Variants in MCTP2 observed in about 807,000 individuals in gnomAD.
MCTP2 encodes multiple C2 and transmembrane domain-containing protein 2.
In MCTP2, 132 loss-of-function variants were observed where a neutral mutation model predicts 111.6. That is an observed-to-expected ratio of 1.18 (90% CI 1.03 to 1.37). MCTP2 has a LOEUF of 1.37. MCTP2 is among the 40% of genes most tolerant of loss of function. The probability of loss-of-function intolerance (pLI) is 0.00; values close to 1 mark genes in which losing one functional copy is unlikely to be tolerated. For missense variants in MCTP2, 1,183 were observed against 1,067.9 expected (o/e 1.11, Z -1.50); for synonymous variants, 395 against 387.7 (o/e 1.02, Z -0.22).
intron 1 of MCTP2, among the ~76,000 whole-genome samples, chr15:94,244,850 G>C (rs1427375432): frequency 2.2e-5 from 3 of 137,746 alleles, no homozygotes; most frequent in African/African-American, 8.2e-5. Context: ...ATACGTATAT[G>C]TATACACATA....
At chr15:94,240,103 T>G (rs1311775726) in intron 1 of MCTP2, among the ~76,000 whole-genome samples, 4 of 152,126 alleles carry the variant, frequency 2.6e-5, no homozygotes, top group African/African-American at 9.7e-5. Context: ...AAGTAGAAGT[T>G]TTTGCTTTTC....
intron 20 of MCTP2, among the ~76,000 whole-genome samples, chr15:94,465,061 G>T (rs899935613): frequency 1.2e-4 from 19 of 152,138 alleles, no homozygotes; most frequent in Admixed American, 9.8e-4. Context: ...CACTGTCGTT[G>T]TACATTTGTC....
rs1044164924 is a variant in MCTP2 at position 94,481,007 on chromosome 15, ATGTT to A, written c.*1978_*1981del. 4 of 152,166 alleles carry A rather than the reference ATGTT, an allele frequency of 2.6e-5. No individual in the cohort carries two copies. Among genetic ancestry groups the A allele is most frequent in the African/African-American group, 9.6e-5 (4 of 41,464 alleles). 9.4% of individuals were successfully genotyped at this position (152,166 alleles called of 1,614,324 possible). A position where few individuals can be genotyped will look rare whatever the true frequency, so the allele number is the denominator to read the frequency against. ...TGTTAGTTGATTAAGTAGACATTGG[ATGTT>A]TGTTAGAAAGGAATGTTAGTTGTAA... On this transcript the variant is annotated 3_prime_UTR_variant, in exon 23 of 23. Coordinates refer to ENST00000357742, the MANE Select transcript of MCTP2 (RefSeq NM_001385001.1).
chr15:94,359,441 A>G, intron 10 of MCTP2, among the ~76,000 whole-genome samples: 1 of 152,172 alleles, frequency 6.6e-6, no homozygotes, highest in South Asian at 2.1e-4. Flanking sequence ...ACAGATCTTA[A>G]ATTTAAACAC....
chr15:94,451,274 T>G (rs1037513340), intron 19 of MCTP2, among the ~76,000 whole-genome samples: 1 of 152,212 alleles, frequency 6.6e-6, no homozygotes, highest in Non-Finnish European at 1.5e-5. Context: ...ATGCTCTTCT[T>G]TTTTATTGTG....
chr15:94,344,430 A>C (rs955895625), intron 7 of MCTP2, among the ~76,000 whole-genome samples: 2 of 152,218 alleles, frequency 1.3e-5, no homozygotes, highest in African/African-American at 4.8e-5. Flanking sequence ...TAGCTTGTTA[A>C]CCAGCCACAG....
chr15:94,257,860 C>T (rs556691767), intron 1 of MCTP2, among the ~76,000 whole-genome samples: 30 of 151,080 alleles, frequency 2.0e-4, no homozygotes, highest in Admixed American at 1.5e-3. Flanking sequence ...GTCAGGATTA[C>T]AGGCGTGAGC....
intron 1 of MCTP2, among the ~76,000 whole-genome samples, chr15:94,284,810 A>T (rs549847111): frequency 1.3e-5 from 2 of 148,826 alleles, no homozygotes; most frequent in African/African-American, 2.4e-5. Context: ...GAAAATGATT[A>T]TGGGCTGAGG....
intron 4 of MCTP2, among the ~76,000 whole-genome samples, chr15:94,331,768 G>A (rs1596379307): frequency 1.3e-5 from 2 of 152,220 alleles, no homozygotes; most frequent in East Asian, 3.9e-4. Context: ...CTTGCCCGAG[G>A]AGCCAATGAA....
At chr15:94,454,227 TATAATG>T (rs2084654951) in intron 19 of MCTP2, among the ~76,000 whole-genome samples, 2 of 152,246 alleles carry the variant, frequency 1.3e-5, no homozygotes, top group Admixed American at 6.5e-5. Context: ...CATTTAACTT[TATAATG>T]ATAATATGAA....
rs1320821672 is a variant in MCTP2, at chr15:94,244,680, TTATATA to T, written c.-66+13017_-66+13022del. Among the ~76,000 whole-genome samples the T allele has an allele frequency of 3.7e-4, 55 of 148,376 alleles. 2 individuals carry two copies. The highest frequency in any genetic ancestry group is 1.3e-3 in the African/African-American group (50 of 39,826). On this transcript the variant is annotated intron_variant, in intron 1 of 22. Coordinates refer to ENST00000357742, the MANE Select transcript of MCTP2 (RefSeq NM_001385001.1). ...TATACACATACATATCCACCTATGT[TTATATA>T]CGTATATGTATACACATACATATGC...
At chr15:94,433,076 A>G (rs113939868) in intron 17 of MCTP2, among the ~76,000 whole-genome samples, 2,255 of 149,844 alleles carry the variant, frequency 0.015, 53 homozygotes, top group African/African-American at 0.045. Context: ...AAGAAACAAT[A>G]CATAGGGGAT....
chr15:94,464,245 T>TATATATAATATA lies in MCTP2; in HGVS notation c.2360+6006_2360+6007insATATAATATATA, dbSNP rs1555481346. ...ATTATATGTTTATATATATAATATA[T>TATATATAATATA]ATATATATATATTATATATATATAT... On this transcript the variant is annotated intron_variant, in intron 20 of 22. Transcript: ENST00000357742. 8.7e-4 allele frequency among the ~76,000 whole-genome samples: 49 copies of TATATATAATATA among 56,594 alleles called. 2 individuals are homozygous for TATATATAATATA. The highest frequency in any genetic ancestry group is 3.1e-3 in the African/African-American group (48 of 15,324). The allele number at this position is 56,594 out of a possible 152,430, so 37.1% of individuals were successfully genotyped here.
chr15:94,325,838 T>G (rs1469856496), intron 4 of MCTP2, among the ~76,000 whole-genome samples: 3 of 65,528 alleles, frequency 4.6e-5, no homozygotes, highest in African/African-American at 1.4e-4. Context: ...TTTTTTTTTT[T>G]GAGACGGAGT....
intron 1 of MCTP2, among the ~76,000 whole-genome samples, chr15:94,266,064 G>A (rs1225491150): frequency 4.3e-5 from 4 of 92,592 alleles, no homozygotes; most frequent in Non-Finnish European, 6.1e-5. Flanking sequence ...ACACATACAC[G>A]TGCATGCGTG....
intron 3 of MCTP2, chr15:94,314,659 C>A (rs1334535078): frequency 3.7e-6 from 2 of 540,038 alleles, no homozygotes; most frequent in Non-Finnish European, 7.0e-6. Flanking sequence ...GGCTTAGCCA[C>A]AGGATCGATT....
rs57953821 is a variant in MCTP2, at chr15:94,393,821, G to A, written c.1789-5140G>A. 3.0e-3 allele frequency among the ~76,000 whole-genome samples: 460 copies of A among 152,144 alleles called. 3 individuals carry two copies. The highest frequency in any genetic ancestry group is 0.011 in the African/African-American group (448 of 41,512). On this transcript the variant is annotated intron_variant, in intron 14 of 22. Coordinates refer to ENST00000357742, the MANE Select transcript of MCTP2 (RefSeq NM_001385001.1). ...TCCTAGCACTTTGGGAGGCCAAGGT[G>A]GGTGGATCACCTGAGGTCAGGAGTT...
At chr15:94,395,856 A>G (rs11631463) in intron 14 of MCTP2, among the ~76,000 whole-genome samples, 58,752 of 152,066 alleles carry the variant, frequency 0.39, 13,689 homozygotes, top group Non-Finnish European at 0.53. Flanking sequence ...GACTTCTTGT[A>G]CTTTTATTTA....
chr15:94,317,480 G>T (rs930234820), intron 4 of MCTP2, among the ~76,000 whole-genome samples: 1 of 152,122 alleles, frequency 6.6e-6, no homozygotes, highest in Non-Finnish European at 1.5e-5. Flanking sequence ...TTATTTTCAG[G>T]TGCCTTTGCC....
Sources: allele counts gnomAD v4.1 joint callset (sites outside exome capture counted in the v4.1 genomes callset), GRCh38; gene constraint gnomAD v4.1.1; transcripts MANE v1.5; gene names NCBI Gene and HGNC (gene_info 2026-07-23, HGNC 2026-07-21).